TOM1L2: variants seen among roughly 807,000 people sequenced by gnomAD.
TOM1L2 encodes the protein TOM1-like protein 2.
TOM1L2 carries 31 observed loss-of-function variants against 67.9 expected under a neutral mutation model. That is an observed-to-expected ratio of 0.46 (90% CI 0.34 to 0.62). The LOEUF is 0.62. TOM1L2 is among the 20% of genes least tolerant of loss of function. The pLI, the probability that TOM1L2 is intolerant of heterozygous loss-of-function variation, is 0.01. For missense variants in TOM1L2, 606 were observed against 663.5 expected (o/e 0.91, Z 0.95); for synonymous variants, 256 against 254.0 (o/e 1.01, Z -0.07).
rs560987141 is a variant in TOM1L2 at position 17,879,291 on chromosome 17, C to T, written c.777+336G>A. Among the ~76,000 whole-genome samples, 5 of 152,324 alleles carry T rather than the reference C, an allele frequency of 3.3e-5. No individual in the cohort carries two copies. The East Asian group carries it at 9.6e-4, about 29-fold the overall frequency. The stretch of plus-strand genomic sequence containing the variant: ...CAAAAAAGTCAGAAAGAAAATACAT[C>T]AAAGCACCTACAGTGGTTATTTACA... On this transcript the variant is annotated intron_variant, in intron 7 of 14. Transcript: ENST00000379504.
At chr17:17,913,402 G>T (rs971202076) in intron 1 of TOM1L2, among the ~76,000 whole-genome samples, 2 of 151,962 alleles carry the variant, frequency 1.3e-5, no homozygotes, top group Non-Finnish European at 2.9e-5. Flanking sequence ...CAGATGCCGG[G>T]CCATCCTGCC....
At position 17,908,873 on chromosome 17, in the gene TOM1L2, G is replaced by A. The variant is rs116670186; in HGVS notation, c.53-1342C>T. On this transcript the variant is annotated intron_variant, in intron 1 of 14. Coordinates refer to ENST00000379504, the MANE Select transcript of TOM1L2 (RefSeq NM_001082968.2). The stretch of plus-strand genomic sequence containing the variant: ...AATGATATAGCTGCTATGGAAAACA[G>A]GACGGTAGTTAAAACACAGAATTAC... 7.5e-3 allele frequency among the ~76,000 whole-genome samples: 1,135 copies of A among 152,248 alleles called. 13 individuals are homozygous for A. The highest frequency in any genetic ancestry group is 0.026 in the African/African-American group (1,090 of 41,536).
At chr17:17,903,218 C>T (rs890791893) in intron 2 of TOM1L2, among the ~76,000 whole-genome samples, 1 of 152,184 alleles carries the variant, frequency 6.6e-6, no homozygotes, top group Admixed American at 6.5e-5. Flanking sequence ...TATATGCCTG[C>T]ATTCCTCATC....
At chr17:17,905,988 C>G (rs2039079888) in intron 2 of TOM1L2, among the ~76,000 whole-genome samples, 1 of 152,114 alleles carries the variant, frequency 6.6e-6, no homozygotes, top group Admixed American at 6.5e-5. Flanking sequence ...CCCTCTGTCC[C>G]AGGACTTCTG....
intron 4 of TOM1L2, among the ~76,000 whole-genome samples, chr17:17,886,488 C>T (rs994762067): frequency 1.3e-5 from 2 of 152,246 alleles, no homozygotes; most frequent in African/African-American, 4.8e-5. Context: ...CGCTGGCTGC[C>T]TCCACCTGGT....
At chr17:17,951,467 G>C (rs922994626) in intron 1 of TOM1L2, among the ~76,000 whole-genome samples, 9 of 152,182 alleles carry the variant, frequency 5.9e-5, no homozygotes, top group Non-Finnish European at 8.8e-5. Flanking sequence ...GTAAAATGCA[G>C]GGAATTTGAG....
At chr17:17,853,040 T>C (rs1038544386) in intron 12 of TOM1L2, among the ~76,000 whole-genome samples, 1 of 152,158 alleles carries the variant, frequency 6.6e-6, no homozygotes, top group Non-Finnish European at 1.5e-5. Flanking sequence ...TCCTTGCCCT[T>C]GCCCATCAAA....
chr17:17,843,615 C>T lies in TOM1L2; in HGVS notation c.*4020G>A, dbSNP rs1893884680. Reference sequence around the variant, plus strand: ...AGTGGGGTGGATGGATGCTCTGAGCCTCGGGTGCACTGACCCACCCTCCAG... The same window carrying T: ...AGTGGGGTGGATGGATGCTCTGAGCTTCGGGTGCACTGACCCACCCTCCAG... On this transcript the variant is annotated 3_prime_UTR_variant, in exon 15 of 15. Transcript: ENST00000379504. The T allele has an allele frequency of 6.6e-6, 1 of 152,256 alleles. No individual in the cohort carries two copies. Among genetic ancestry groups the T allele is most frequent in the Non-Finnish European group, 1.5e-5 (1 of 68,030 alleles). The allele number at this position is 152,256 out of a possible 1,614,324, so 9.4% of individuals were successfully genotyped here. A position where few individuals can be genotyped will look rare whatever the true frequency, so the allele number is the denominator to read the frequency against.
intron 1 of TOM1L2, among the ~76,000 whole-genome samples, chr17:17,968,664 CA>C (rs11298542): frequency 0.57 from 66,128 of 115,742 alleles, 17,918 homozygotes; most frequent in East Asian, 0.86. Flanking sequence ...GACTCCATCT[CA>C]AAAAAAAAAA....
chr17:17,884,542 A>C, intron 5 of TOM1L2, 92 bp downstream of exon 5: 2 of 1,551,232 alleles, frequency 1.3e-6, no homozygotes, highest in East Asian at 4.5e-5. Context: ...CAAGCTGAAT[A>C]ATTCAAAGGC....
At chr17:17,894,281 C>T (rs1902176875) in intron 3 of TOM1L2, among the ~76,000 whole-genome samples, 1 of 152,202 alleles carries the variant, frequency 6.6e-6, no homozygotes. Context: ...AATGCACACA[C>T]ACATCCCCCA....
chr17:17,961,245 T>C (rs2041664596), intron 1 of TOM1L2, among the ~76,000 whole-genome samples: 1 of 151,690 alleles, frequency 6.6e-6, no homozygotes, highest in South Asian at 2.1e-4. Flanking sequence ...TCATACCCAT[T>C]AGGATGGCTA....
At chr17:17,923,927 G>A (rs2144633788) in intron 1 of TOM1L2, among the ~76,000 whole-genome samples, 1 of 152,022 alleles carries the variant, frequency 6.6e-6, no homozygotes, top group East Asian at 1.9e-4. Context: ...CATAAGGTCA[G>A]GAGTTTGAGA....
At chr17:17,918,642 T>C (rs2039730029) in intron 1 of TOM1L2, among the ~76,000 whole-genome samples, 1 of 152,200 alleles carries the variant, frequency 6.6e-6, no homozygotes, top group Admixed American at 6.5e-5. Context: ...TATCTGCCCA[T>C]ATCTAGCTCC....
chr17:17,848,455 G>A (rs1338619692), intron 14 of TOM1L2, among the ~76,000 whole-genome samples: 8 of 152,202 alleles, frequency 5.3e-5, no homozygotes, highest in Admixed American at 5.2e-4. Flanking sequence ...GCCCAGGAGA[G>A]GCTCCTCCCT....
At chr17:17,870,371 G>A (rs1017801313) in intron 7 of TOM1L2, among the ~76,000 whole-genome samples, 2 of 152,118 alleles carry the variant, frequency 1.3e-5, no homozygotes, top group Non-Finnish European at 2.9e-5. Flanking sequence ...ACAGAGCTCC[G>A]TCAATTCCTG....
Position 17,844,702 on chromosome 17 carries a change from G to A in TOM1L2, c.*2933C>T, listed in dbSNP as rs890294684. On this transcript the variant is annotated 3_prime_UTR_variant, in exon 15 of 15. Transcript: ENST00000379504. The stretch of plus-strand genomic sequence containing the variant: ...CAGGCCAAAGGCCCATGGTGCCAGG[G>A]GCCCAACTGCACATAGCGCCATTCT... 3 of 152,238 alleles carry A rather than the reference G, an allele frequency of 2.0e-5. No homozygotes were observed. The highest frequency in any genetic ancestry group is 7.2e-5 in the African/African-American group (3 of 41,446). 9.4% of individuals were successfully genotyped at this position (152,238 alleles called of 1,614,324 possible).
intron 1 of TOM1L2, among the ~76,000 whole-genome samples, chr17:17,935,952 C>T (rs1035985469): frequency 6.6e-6 from 1 of 152,212 alleles, no homozygotes; most frequent in South Asian, 2.1e-4. Context: ...TCTTCCCCTC[C>T]TATCCTACCC....
chr17:17,877,877 TAA>T (rs750845304), intron 7 of TOM1L2, among the ~76,000 whole-genome samples: 13 of 142,874 alleles, frequency 9.1e-5, no homozygotes, highest in African/African-American at 7.7e-5. Context: ...TGGGCTTGTT[TAA>T]AAAAAAAAAA....
Sources: gnomAD v4.1 joint callset for allele counts (sites outside exome capture counted in the v4.1 genomes callset) on GRCh38, gnomAD v4.1.1 for gene constraint, MANE v1.5 for transcripts, NCBI Gene and HGNC (gene_info 2026-07-23, HGNC 2026-07-21) for gene names.